The following HERC2 variants were observed in gnomAD, a reference collection of about 807,000 sequenced individuals.
The protein encoded by HERC2 is HECT and RLD domain containing E3 ubiquitin protein ligase 2.
In HERC2, 102 loss-of-function variants were observed where a neutral mutation model predicts 537.7. That is an observed-to-expected ratio of 0.19 (90% CI 0.16 to 0.22). The LOEUF is 0.22. HERC2 is among the 10% of genes least tolerant of loss of function. HERC2 has a pLI of 1.00. For missense variants in HERC2, 4,236 were observed against 6,198.2 expected (o/e 0.68, Z 10.63); for synonymous variants, 2,224 against 2,466.2 (o/e 0.90, Z 2.91).
At chr15:28,179,263 A>C (rs761559825) in intron 57 of HERC2, 40 bp from the exon 58 acceptor site, 12 of 1,429,516 alleles carry the variant, frequency 8.4e-6, no homozygotes, top group South Asian at 1.2e-5. Context: ...AAGAAAAGAA[A>C]ATTTTACTTG....
At chr15:28,200,046 G>C (rs1897747448) in intron 48 of HERC2, among the ~76,000 whole-genome samples, 1 of 152,136 alleles carries the variant, frequency 6.6e-6, no homozygotes, top group South Asian at 2.1e-4. Flanking sequence ...AAGTCATTAA[G>C]GTAAAATCAG....
chr15:28,317,791 G>C (rs1262507540), intron 2 of HERC2, among the ~76,000 whole-genome samples: 2 of 152,186 alleles, frequency 1.3e-5, no homozygotes, highest in Admixed American at 6.5e-5. Context: ...TTCAATTTCT[G>C]GGTTTTTATA....
At chr15:28,143,682 G>A (rs1343852450) in intron 74 of HERC2, among the ~76,000 whole-genome samples, 191 bp downstream of exon 74, 4 of 151,950 alleles carry the variant, frequency 2.6e-5, no homozygotes, top group East Asian at 3.9e-4. Flanking sequence ...TCCTGACCTC[G>A]TGATCCGCCC....
intron 52 of HERC2, among the ~76,000 whole-genome samples, chr15:28,193,931 G>A (rs542659477): frequency 6.6e-6 from 1 of 152,082 alleles, no homozygotes; most frequent in Non-Finnish European, 1.5e-5. Context: ...CTTCAGGCAG[G>A]AGAAAAACAG....
chr15:28,141,858 T>A lies in HERC2; in HGVS notation c.11701-12A>T. 1 of 1,578,156 alleles carries A rather than the reference T, an allele frequency of 6.3e-7. No individual in the cohort carries two copies. Among genetic ancestry groups the A allele is most frequent in the Non-Finnish European group, 8.7e-7 (1 of 1,147,644 alleles). Reference sequence around the variant, plus strand: ...ATTTTCTTAGCCACCTAAACAAAATTATTATGATGTTACAAATCAAACACT... The same window carrying A: ...ATTTTCTTAGCCACCTAAACAAAATAATTATGATGTTACAAATCAAACACT... On this transcript the variant is annotated splice_polypyrimidine_tract_variant and intron_variant, in intron 76 of 92. Transcript: ENST00000261609.
intron 69 of HERC2, among the ~76,000 whole-genome samples, chr15:28,161,162 T>C (rs943990146): frequency 6.6e-6 from 1 of 152,208 alleles, no homozygotes; most frequent in African/African-American, 2.4e-5. Flanking sequence ...CTTTATCGTT[T>C]TGGTGATCAT....
intron 4 of HERC2, among the ~76,000 whole-genome samples, 167 bp downstream of exon 4, chr15:28,292,721 T>C (rs1314734292): frequency 1.3e-5 from 2 of 152,214 alleles, no homozygotes; most frequent in Non-Finnish European, 1.5e-5. Context: ...CACATAAAAA[T>C]GGTTAAAACG....
intron 2 of HERC2, among the ~76,000 whole-genome samples, chr15:28,310,969 C>T (rs981899262): frequency 2.1e-5 from 3 of 141,672 alleles, no homozygotes; most frequent in Non-Finnish European, 3.0e-5. Context: ...CCCAGCTACT[C>T]GGGAGGCTGA....
chr15:28,148,353 A>T (rs1383846207), intron 70 of HERC2, among the ~76,000 whole-genome samples: 1 of 152,238 alleles, frequency 6.6e-6, no homozygotes, highest in Non-Finnish European at 1.5e-5. Flanking sequence ...GAAATTTTAA[A>T]AAAAGAAACA....
At chr15:28,155,594 C>T (rs190365595) in intron 69 of HERC2, among the ~76,000 whole-genome samples, 3,690 of 139,736 alleles carry the variant, frequency 0.026, 337 homozygotes, top group African/African-American at 0.12. Context: ...ATATCCTTCG[C>T]CCACTTGTTG....
intron 2 of HERC2, chr15:28,320,055 C>G (rs2077190442): frequency 6.6e-6 from 1 of 151,880 alleles, no homozygotes; most frequent in African/African-American, 2.4e-5. Flanking sequence ...AATTCTTGAC[C>G]CAATTCTCTG....
chr15:28,158,673 G>T (rs1213563491), intron 69 of HERC2, among the ~76,000 whole-genome samples: 39 of 152,080 alleles, frequency 2.6e-4, no homozygotes, highest in Non-Finnish European at 4.4e-4. Flanking sequence ...ACACTGATGG[G>T]TCTTGACTCT....
chr15:28,169,586 T>C lies in HERC2; in HGVS notation c.10127A>G (p.Asn3376Ser). The change falls in exon 66 of 93, where the codon AAT (asparagine) becomes AGT (serine). Residue 3376 changes from asparagine to serine, a missense_variant. This residue lies in a region of HERC2 where 356 missense variants were observed against 450.9 expected (regional missense o/e 0.79). Transcript: ENST00000261609. ...KISGASNSKP[N>S]RPSLAKILLS... ...GAGAATCTTGGCAAGAGAAGGGCGA[T>C]TTGGCTTAGAATTACTTGCACCACT... The C allele has an allele frequency of 6.2e-7, 1 of 1,614,094 alleles. No homozygotes were observed. Among genetic ancestry groups the C allele is most frequent in the South Asian group, 1.1e-5 (1 of 91,054 alleles).
At chr15:28,115,269 T>TC (rs975388807) in intron 89 of HERC2, 160 bp downstream of exon 89, 4 of 515,410 alleles carry the variant, frequency 7.8e-6, no homozygotes, top group African/African-American at 1.9e-5. Context: ...TCTATTTTTT[T>TC]TTTTTTTTTT....
At chr15:28,163,052 G>A in intron 69 of HERC2, 42 bp downstream of exon 69, 1 of 1,530,238 alleles carries the variant, frequency 6.5e-7, no homozygotes, top group Non-Finnish European at 8.9e-7. Context: ...GCCCAACATG[G>A]AGGAGGTGGA....
At chr15:28,162,717 G>A (rs746703861) in intron 69 of HERC2, among the ~76,000 whole-genome samples, 4 of 151,784 alleles carry the variant, frequency 2.6e-5, no homozygotes, top group Non-Finnish European at 5.9e-5. Flanking sequence ...GTAAAACCCC[G>A]ACTCTACTAA....
intron 75 of HERC2, 82 bp downstream of exon 75, chr15:28,142,745 C>T (rs573970457): frequency 2.6e-6 from 4 of 1,512,696 alleles, no homozygotes; most frequent in South Asian, 2.4e-5. Flanking sequence ...GCCTAAAACA[C>T]ACACACTGCA....
Position 28,229,366 on chromosome 15 carries a change from A to G in HERC2, c.5121-20T>C, listed in dbSNP as rs779582102. On this transcript the variant is annotated intron_variant, in intron 33 of 92. Transcript: ENST00000261609. ...GGTTCCCTTTCAAATAAAGATAAAG[A>G]ATTTGACTTGGGACACTGCCAGACT... The G allele has an allele frequency of 3.7e-6, 6 of 1,612,870 alleles. No individual in the cohort carries two copies. Among genetic ancestry groups the G allele is most frequent in the Non-Finnish European group, 4.2e-6 (5 of 1,178,892 alleles).
At chr15:28,273,737 C>G (rs945096651) in intron 7 of HERC2, among the ~76,000 whole-genome samples, 1 of 152,208 alleles carries the variant, frequency 6.6e-6, no homozygotes, top group Non-Finnish European at 1.5e-5. Context: ...CTCACTTTCC[C>G]TCTGCATCTG....
Sources: allele counts gnomAD v4.1 joint callset (sites outside exome capture counted in the v4.1 genomes callset), GRCh38; gene constraint gnomAD v4.1.1; regional missense constraint gnomAD v4.1.1; transcripts MANE v1.5; gene names NCBI Gene and HGNC (gene_info 2026-07-23, HGNC 2026-07-21).